Variants in PIGU observed in about 807,000 individuals in gnomAD.
PIGU encodes the protein phosphatidylinositol glycan anchor biosynthesis class U.
A neutral mutation model predicts 49.9 loss-of-function variants in PIGU; 24 were observed. The ratio of observed to expected loss-of-function variants is 0.48; its 90% CI spans 0.35 to 0.68. The LOEUF (loss-of-function observed/expected upper bound fraction) is 0.68. PIGU is among the 30% of genes least tolerant of loss of function. The pLI, the probability that PIGU is intolerant of heterozygous loss-of-function variation, is 0.01. For synonymous variants in PIGU, 220 were observed against 205.7 expected (o/e 1.07, Z -0.59); for missense variants, 490 against 532.6 (o/e 0.92, Z 0.79).
At chr20:34,618,630 T>A (rs1267083582) in intron 6 of PIGU, among the ~76,000 whole-genome samples, 1 of 151,696 alleles carries the variant, frequency 6.6e-6, no homozygotes, top group Non-Finnish European at 1.5e-5. Context: ...AAAATAAAAA[T>A]AAAAAAATAA....
At chr20:34,585,405 T>G (rs1277632324) in intron 9 of PIGU, 32 bp downstream of exon 9, 5 of 1,611,468 alleles carry the variant, frequency 3.1e-6, no homozygotes, top group Non-Finnish European at 4.2e-6. Flanking sequence ...GACAGCTCTG[T>G]ACACACAGCA....
At chr20:34,638,922 A>G (rs766432648) in intron 4 of PIGU, among the ~76,000 whole-genome samples, 1 of 152,236 alleles carries the variant, frequency 6.6e-6, no homozygotes, top group Non-Finnish European at 1.5e-5. Flanking sequence ...TTTAATGATC[A>G]AAGAATCTCA....
At chr20:34,634,168 C>T (rs1366400370) in intron 6 of PIGU, among the ~76,000 whole-genome samples, 1 of 152,050 alleles carries the variant, frequency 6.6e-6, no homozygotes, top group Non-Finnish European at 1.5e-5. Context: ...AACTTGCAAG[C>T]TCAAGCAATC....
At chr20:34,583,941 CT>C (rs2146708446) in intron 9 of PIGU, among the ~76,000 whole-genome samples, 1 of 152,340 alleles carries the variant, frequency 6.6e-6, no homozygotes, top group African/African-American at 2.4e-5. Flanking sequence ...AAATCAAACT[CT>C]TTCAGGTTCC....
intron 7 of PIGU, among the ~76,000 whole-genome samples, chr20:34,602,200 T>C (rs1984450089): frequency 6.6e-6 from 1 of 151,612 alleles, no homozygotes; most frequent in African/African-American, 2.4e-5. Context: ...GAGAATTGCT[T>C]GAACCCGGGA....
At chr20:34,585,103 G>A (rs1983644986) in intron 9 of PIGU, among the ~76,000 whole-genome samples, 1 of 152,218 alleles carries the variant, frequency 6.6e-6, no homozygotes, top group Non-Finnish European at 1.5e-5. Context: ...CTGAAGTACT[G>A]GGATTACAGG....
At chr20:34,632,645 G>A (rs1985824974) in intron 6 of PIGU, among the ~76,000 whole-genome samples, 1 of 152,128 alleles carries the variant, frequency 6.6e-6, no homozygotes, top group Admixed American at 6.6e-5. Flanking sequence ...GATTACAGGT[G>A]TAAGCCACTG....
intron 11 of PIGU, among the ~76,000 whole-genome samples, chr20:34,567,993 CTT>C (rs1208776809): frequency 2.0e-5 from 3 of 152,206 alleles, no homozygotes; most frequent in Non-Finnish European, 4.4e-5. Context: ...CTGCCCATGT[CTT>C]TTCCTTTCTC....
intron 11 of PIGU, chr20:34,562,520 T>G (rs1982568819): frequency 7.8e-7 from 1 of 1,289,372 alleles, no homozygotes; most frequent in Non-Finnish European, 1.0e-6. Context: ...GCAGCTCTGA[T>G]GGCCTCAGGA....
At chr20:34,626,069 T>C (rs1481569683) in intron 6 of PIGU, among the ~76,000 whole-genome samples, 4 of 151,686 alleles carry the variant, frequency 2.6e-5, no homozygotes, top group Admixed American at 1.3e-4. Context: ...TTCTACTACA[T>C]GGGTAAACCA....
intron 1 of PIGU, among the ~76,000 whole-genome samples, chr20:34,667,159 T>C (rs1193514205): frequency 6.6e-6 from 1 of 152,174 alleles, no homozygotes; most frequent in East Asian, 1.9e-4. Context: ...CTTAGTTACC[T>C]TGGTATACTT....
chr20:34,611,473 C>G (rs974986908), intron 7 of PIGU, among the ~76,000 whole-genome samples: 1 of 151,642 alleles, frequency 6.6e-6, no homozygotes, highest in African/African-American at 2.4e-5. Flanking sequence ...GGTGAAACCC[C>G]GTCTCTACTA....
intron 2 of PIGU, among the ~76,000 whole-genome samples, chr20:34,646,259 A>G (rs1306694865): frequency 6.6e-6 from 1 of 152,154 alleles, no homozygotes; most frequent in Non-Finnish European, 1.5e-5. Context: ...TACTTTGTCA[A>G]TTTAGGTAAG....
At chr20:34,604,851 CAA>C (rs1012370763) in intron 7 of PIGU, among the ~76,000 whole-genome samples, 15 of 152,266 alleles carry the variant, frequency 9.9e-5, no homozygotes, top group African/African-American at 3.6e-4. Flanking sequence ...AAAGCAAAAC[CAA>C]AAGAGTACTC....
At position 34,582,870 on chromosome 20, in the gene PIGU, A is replaced by T. The variant is rs146449937; in HGVS notation, c.927-1198T>A. Among the ~76,000 whole-genome samples the T allele has an allele frequency of 1.3e-4, 20 of 152,040 alleles. No individual in the cohort carries two copies. In the East Asian group the frequency reaches 3.7e-3, roughly 28 times the overall value. ...GCTCTGGTCAGGAGAGAGTTGGGGG[A>T]CAGAGCTCAATCTCGGTGCCCCTCC... is the stretch of plus-strand genomic sequence containing the variant. On this transcript the variant is annotated intron_variant, in intron 9 of 11. Coordinates refer to ENST00000217446, the MANE Select transcript of PIGU (RefSeq NM_080476.5).
rs115948070 is a variant in PIGU at position 34,637,754 on chromosome 20, C to T, written c.428+122G>A. ...AGAGCCCAGTTGTGCAACAGAACTA[C>T]AGCAAATACTTGATGACTAAGATTG... On this transcript the variant is annotated intron_variant, in intron 5 of 11. Transcript: ENST00000217446. 1,346 of 1,535,402 alleles carry T rather than the reference C, an allele frequency of 8.8e-4. 9 individuals are homozygous for T. In the African/African-American group the frequency reaches 0.017, roughly 19 times the overall value.
At chr20:34,614,643 AT>A (rs1340061046) in intron 7 of PIGU, among the ~76,000 whole-genome samples, 111 of 146,858 alleles carry the variant, frequency 7.6e-4, no homozygotes, top group Non-Finnish European at 1.4e-3. Context: ...AAAAAAAAAA[AT>A]TTCTACGTTA....
rs1321340964 is a variant in PIGU, at chr20:34,676,995, G to A, written c.91C>T (p.Arg31Trp). 2 of 1,582,712 alleles carry A rather than the reference G, an allele frequency of 1.3e-6. No homozygotes were observed. Among genetic ancestry groups the A allele is most frequent in the Non-Finnish European group, 1.7e-6 (2 of 1,165,358 alleles). Residue 31 changes from arginine (R) to tryptophan (W), a missense_variant, in exon 1 of 12, where the codon CGG becomes TGG. By Grantham distance (101) the Arg-to-Trp change is moderately radical. Coordinates refer to ENST00000217446, the MANE Select transcript of PIGU (RefSeq NM_080476.5). ...CTCAGTGGGGACACCACCTCCACCC[G>A]CTCGGAAATGAACTCGGCCAGACTG... The part of the protein sequence containing the change: ...RSSLAEFISE[R>W]VEVVSPLSSW...
intron 1 of PIGU, among the ~76,000 whole-genome samples, chr20:34,673,861 T>C (rs764089771): frequency 1.3e-5 from 2 of 151,704 alleles, no homozygotes; most frequent in Non-Finnish European, 2.9e-5. Flanking sequence ...AAGACCAGCC[T>C]GGCTAATATG....
Sources: gnomAD v4.1 joint callset for allele counts (sites outside exome capture counted in the v4.1 genomes callset) on GRCh38, gnomAD v4.1.1 for gene constraint, MANE v1.5 for transcripts, NCBI Gene and HGNC (gene_info 2026-07-23, HGNC 2026-07-21) for gene names.